PRKG2: variants seen among roughly 807,000 people sequenced by gnomAD.
PRKG2 encodes protein kinase cGMP-dependent 2.
In PRKG2, 33 loss-of-function variants were observed where a neutral mutation model predicts 97.2. The ratio of observed to expected loss-of-function variants is 0.34; its 90% confidence interval spans 0.26 to 0.45. The LOEUF (loss-of-function observed/expected upper bound fraction) is 0.45. PRKG2 is among the 20% of genes least tolerant of loss of function. The probability of loss-of-function intolerance (pLI) is 1.00; values close to 1 mark genes in which losing one functional copy is unlikely to be tolerated. For synonymous variants in PRKG2, 330 were observed against 321.8 expected (o/e 1.03, Z -0.27); for missense variants, 638 against 900.0 (o/e 0.71, Z 3.73).
chr4:81,189,898 C>T (rs1268334136), intron 2 of PRKG2, among the ~76,000 whole-genome samples: 2 of 152,094 alleles, frequency 1.3e-5, no homozygotes, highest in Non-Finnish European at 2.9e-5. Context: ...TCATGGAGAA[C>T]TACAAACCAC....
chr4:81,156,038 C>T (rs1749059001), intron 6 of PRKG2, among the ~76,000 whole-genome samples: 1 of 151,430 alleles, frequency 6.6e-6, no homozygotes, highest in South Asian at 2.1e-4. Context: ...GCAAAATAAC[C>T]AGCTAACATC....
Position 81,092,465 on chromosome 4 carries a change from A to AAAAGGAAGGAAGG in PRKG2, c.2127-14_2127-13insCCTTCCTTCCTTT, listed in dbSNP as rs1741649903. On this transcript the variant is annotated splice_polypyrimidine_tract_variant and intron_variant, in intron 17 of 18. Coordinates refer to ENST00000264399, the MANE Select transcript of PRKG2 (RefSeq NM_006259.3). ...ACCATTTAACCACCTGAGAAATGAG[A>AAAAGGAAGGAAGG]AAGGAAGGAAGGAAGGAAGGAAGGA... 1 of 906,984 alleles carries AAAAGGAAGGAAGG rather than the reference A, an allele frequency of 1.1e-6. No individual in the cohort carries two copies. Among genetic ancestry groups the AAAAGGAAGGAAGG allele is most frequent in the Non-Finnish European group, 1.6e-6 (1 of 616,328 alleles). 56.2% of individuals were successfully genotyped at this position (906,984 alleles called of 1,614,324 possible).
intron 2 of PRKG2, among the ~76,000 whole-genome samples, chr4:81,179,453 G>A (rs1315771927): frequency 1.3e-5 from 2 of 152,124 alleles, no homozygotes; most frequent in Non-Finnish European, 2.9e-5. Context: ...CAAAAATGAA[G>A]GCAAAAAGAA....
intron 1 of PRKG2, 87 bp from the exon 2 acceptor site, chr4:81,205,147 T>C: frequency 1.2e-6 from 1 of 821,430 alleles, no homozygotes; most frequent in Non-Finnish European, 1.9e-6. Flanking sequence ...TCTTGTTTCA[T>C]AAATAGGAAC....
intron 14 of PRKG2, among the ~76,000 whole-genome samples, chr4:81,111,552 A>C (rs1185129651): frequency 1.3e-5 from 2 of 152,138 alleles, no homozygotes; most frequent in African/African-American, 4.8e-5. Flanking sequence ...TGGTTGGGGA[A>C]GATGTTATTA....
chr4:81,156,396 T>C (rs1749097104), intron 6 of PRKG2, among the ~76,000 whole-genome samples: 1 of 152,184 alleles, frequency 6.6e-6, no homozygotes, highest in Non-Finnish European at 1.5e-5. Context: ...TAAATATATA[T>C]GCACCCAATA....
chr4:81,129,706 G>A (rs931750183), intron 14 of PRKG2, among the ~76,000 whole-genome samples: 1 of 151,994 alleles, frequency 6.6e-6, no homozygotes, highest in African/African-American at 2.4e-5. Flanking sequence ...CTCCATCCCT[G>A]CATTTTGAGC....
At chr4:81,097,204 C>T (rs1465449698) in intron 17 of PRKG2, among the ~76,000 whole-genome samples, 1 of 152,094 alleles carries the variant, frequency 6.6e-6, no homozygotes, top group Non-Finnish European at 1.5e-5. Flanking sequence ...TCCTGGGCTG[C>T]AGAATGGATG....
In PRKG2 at chr4:81,137,588, C is replaced by T. The variant is rs1746837079; in HGVS notation, c.1545-106G>A. The T allele has an allele frequency of 3.5e-6, 3 of 854,088 alleles. No homozygotes were observed. The Admixed American group carries it at 6.3e-5, about 18-fold the overall frequency. The allele number at this position is 854,088 out of a possible 1,614,324, so 52.9% of individuals were successfully genotyped here. Reference sequence around the variant, plus strand: ...TAACATTAGGAACAATGATACTCATCTCCATATAAATACCCCACAACTACA... The same window carrying T: ...TAACATTAGGAACAATGATACTCATTTCCATATAAATACCCCACAACTACA... On this transcript the variant is annotated intron_variant, in intron 12 of 18. Transcript: ENST00000264399.
In PRKG2 at chr4:81,092,465, A is replaced by AAAGGAAGGAAGGAAGGAAGG. The variant is rs59866145; in HGVS notation, c.2127-33_2127-14dup. 6,129 of 926,308 alleles carry AAAGGAAGGAAGGAAGGAAGG rather than the reference A, an allele frequency of 6.6e-3. 303 individuals are homozygous for AAAGGAAGGAAGGAAGGAAGG. The highest frequency in any genetic ancestry group is 0.045 in the African/African-American group (2,180 of 48,658). 57.4% of individuals were successfully genotyped at this position (926,308 alleles called of 1,614,324 possible). On this transcript the variant is annotated splice_polypyrimidine_tract_variant and intron_variant, in intron 17 of 18. Coordinates refer to ENST00000264399, the MANE Select transcript of PRKG2 (RefSeq NM_006259.3). The stretch of plus-strand genomic sequence containing the variant: ...ACCATTTAACCACCTGAGAAATGAG[A>AAAGGAAGGAAGGAAGGAAGG]AAGGAAGGAAGGAAGGAAGGAAGGA...
chr4:81,141,660 A>ATG lies in PRKG2; in HGVS notation c.1408-993_1408-992dup, dbSNP rs568370275. On this transcript the variant is annotated intron_variant, in intron 11 of 18. Coordinates refer to ENST00000264399, the MANE Select transcript of PRKG2 (RefSeq NM_006259.3). ...AATGGCTGCACTCCATATTTTGCTC[A>ATG]TGTTTGCCATTAGTGCTGCCCATGA... Among the ~76,000 whole-genome samples the ATG allele has an allele frequency of 5.1e-3, 783 of 152,326 alleles. 8 individuals are homozygous for ATG. Among genetic ancestry groups the ATG allele is most frequent in the South Asian group, 0.019 (90 of 4,830 alleles).
chr4:81,122,821 C>T (rs1273092473), intron 14 of PRKG2, among the ~76,000 whole-genome samples: 1 of 152,218 alleles, frequency 6.6e-6, no homozygotes, highest in Non-Finnish European at 1.5e-5. Context: ...GGACTGCCCA[C>T]AGTGTCCATC....
At chr4:81,135,735 C>A (rs903858373) in intron 13 of PRKG2, among the ~76,000 whole-genome samples, 1 of 152,022 alleles carries the variant, frequency 6.6e-6, no homozygotes. Flanking sequence ...AGAGTAACCC[C>A]CGTAAAAATG....
At chr4:81,185,241 C>T (rs1751766318) in intron 2 of PRKG2, among the ~76,000 whole-genome samples, 1 of 152,186 alleles carries the variant, frequency 6.6e-6, no homozygotes, top group Admixed American at 6.5e-5. Flanking sequence ...GGTCGGGTTA[C>T]TCACAAAGAG....
At chr4:81,101,588 T>C (rs544972104) in intron 17 of PRKG2, among the ~76,000 whole-genome samples, 90 of 129,780 alleles carry the variant, frequency 6.9e-4, no homozygotes, top group Non-Finnish European at 1.2e-3. Context: ...AGGGGGGAGG[T>C]ATGGCATTTG....
chr4:81,124,115 T>C (rs538511293), intron 14 of PRKG2, among the ~76,000 whole-genome samples: 1 of 152,226 alleles, frequency 6.6e-6, no homozygotes, highest in Non-Finnish European at 1.5e-5. Context: ...ATCCTTTGTA[T>C]GTAGAAGTAA....
rs750593016 is a variant in PRKG2 at position 81,089,767 on chromosome 4, A to G, written c.2230T>C (p.Tyr744His). 1.9e-6 allele frequency: 3 copies of G among 1,613,030 alleles called. No individual in the cohort carries two copies. In the South Asian group the frequency reaches 3.3e-5, roughly 18 times the overall value. The part of the protein sequence containing the change: ...GPIDHSYFDK[Y>H]PPEKGMPPDE... The stretch of plus-strand genomic sequence containing the variant: ...GGAGGCATTCCCTTTTCAGGAGGAT[A>G]TTTGTCAAAGTAGCTGTGATCTATG... Residue 744 changes from tyrosine (Y) to histidine (H), a missense_variant, in exon 19 of 19, where the codon TAT (tyrosine) becomes CAT (histidine). This residue lies in a region of PRKG2 where 304 missense variants were observed against 460.5 expected (regional missense o/e 0.66). Coordinates refer to ENST00000264399, the MANE Select transcript of PRKG2 (RefSeq NM_006259.3).
intron 14 of PRKG2, among the ~76,000 whole-genome samples, chr4:81,122,254 T>C (rs911630822): frequency 1.3e-5 from 2 of 152,204 alleles, no homozygotes; most frequent in African/African-American, 4.8e-5. Flanking sequence ...ATTCATTCAC[T>C]ACAACCAGAA....
chr4:81,184,803 T>A (rs574179914), intron 2 of PRKG2, among the ~76,000 whole-genome samples: 18 of 152,230 alleles, frequency 1.2e-4, no homozygotes, highest in African/African-American at 4.3e-4. Context: ...ATAAATGACC[T>A]GATGAAGCTT....
Sources: allele counts gnomAD v4.1 joint callset (sites outside exome capture counted in the v4.1 genomes callset), GRCh38; gene constraint gnomAD v4.1.1; regional missense constraint gnomAD v4.1.1; transcripts MANE v1.5; gene names NCBI Gene and HGNC (gene_info 2026-07-23, HGNC 2026-07-21).